WDR19: variants seen among roughly 807,000 people sequenced by gnomAD.
WDR19 encodes the protein WD repeat domain 19, also known as WD repeat-containing protein 19.
WDR19 carries 121 observed loss-of-function variants against 180.0 expected under a neutral mutation model. The observed-to-expected ratio is 0.67, with a 90% CI of 0.58 to 0.78. The LOEUF (loss-of-function observed/expected upper bound fraction) is 0.78, where lower values mean the gene tolerates loss of function less well. Ranked by LOEUF, WDR19 falls within the 30% of genes least tolerant of loss-of-function variation. The pLI is 0.00. For synonymous variants in WDR19, 497 were observed against 540.7 expected (o/e 0.92, Z 1.12); for missense variants, 1,450 against 1,640.7 (o/e 0.88, Z 2.01).
intron 5 of WDR19, chr4:39,194,893 C>A: frequency 2.2e-6 from 1 of 449,134 alleles, no homozygotes; most frequent in Non-Finnish European, 4.0e-6. Context: ...GTGCCTTTCG[C>A]ATCAGGACAT....
chr4:39,257,551 A>C lies in WDR19; in HGVS notation c.3180A>C (p.Glu1060Asp), dbSNP rs767135846. 8 of 1,583,110 alleles carry C rather than the reference A, an allele frequency of 5.1e-6. No homozygotes were observed. The South Asian group carries it at 6.9e-5, about 14-fold the overall frequency. ...ATGTGGCAATAGAAATGGCAATTGA[A>C]ACTGTAAGTACGCTTTCAATGAAAC... ...EDNVAIEMAI[E>D]TVGQAKDELL... Residue 1060 changes from glutamate to aspartate, a missense_variant, in exon 28 of 37, where the codon GAA (glutamate) becomes GAC (aspartate). Coordinates refer to ENST00000399820, the MANE Select transcript of WDR19 (RefSeq NM_025132.4).
chr4:39,232,340 T>C (rs944038520), intron 19 of WDR19, 68 bp downstream of exon 19: 35 of 1,298,370 alleles, frequency 2.7e-5, no homozygotes, highest in Non-Finnish European at 3.3e-5. Context: ...GAAAAAAAAA[T>C]GGGGCCGGGT....
At chr4:39,190,020 CA>C (rs1453958090) in intron 4 of WDR19, among the ~76,000 whole-genome samples, 1 of 152,116 alleles carries the variant, frequency 6.6e-6, no homozygotes, top group South Asian at 2.1e-4. Context: ...AGAGATGAGA[CA>C]AAATATATAT....
At chr4:39,228,158 GATA>G in intron 15 of WDR19, 49 bp from the exon 16 acceptor site, 4 of 1,593,704 alleles carry the variant, frequency 2.5e-6, no homozygotes, top group Non-Finnish European at 3.4e-6. Flanking sequence ...CACGGCAAAT[GATA>G]ATGATTCAAG....
chr4:39,273,123 G>A, intron 32 of WDR19, 62 bp downstream of exon 32: 1 of 1,345,694 alleles, frequency 7.4e-7, no homozygotes, highest in Non-Finnish European at 1.0e-6. Flanking sequence ...TGCTAGCCCA[G>A]CGCCCCTTTT....
intron 34 of WDR19, among the ~76,000 whole-genome samples, chr4:39,277,895 A>G (rs1736059058): frequency 6.6e-6 from 1 of 152,102 alleles, no homozygotes; most frequent in Non-Finnish European, 1.5e-5. Context: ...CTCTACTTAA[A>G]ACACAAAAAT....
intron 6 of WDR19, among the ~76,000 whole-genome samples, chr4:39,202,608 A>T (rs1285106214): frequency 1.3e-5 from 2 of 152,120 alleles, no homozygotes; most frequent in Admixed American, 1.3e-4. Context: ...CTACATCTGT[A>T]TGTACTTTTT....
chr4:39,275,441 T>C lies in WDR19; in HGVS notation c.3716+483T>C. Reference sequence around the variant, plus strand: ...TTAATCAAGTCAGTATTTATTTGACTCATACACAAGGCATCACAGTCCAGA... The same window carrying C: ...TTAATCAAGTCAGTATTTATTTGACCCATACACAAGGCATCACAGTCCAGA... On this transcript the variant is annotated intron_variant, in intron 33 of 36. Transcript: ENST00000399820. 1.4e-5 allele frequency: 3 copies of C among 217,278 alleles called. No individual in the cohort carries two copies. In the South Asian group the frequency reaches 2.3e-4, roughly 16 times the overall value. The allele number at this position is 217,278 out of a possible 1,614,324, so 13.5% of individuals were successfully genotyped here. A position where few individuals can be genotyped will look rare whatever the true frequency, so the allele number is the denominator to read the frequency against.
intron 28 of WDR19, 133 bp downstream of exon 28, chr4:39,257,687 A>C: frequency 1.3e-6 from 1 of 753,478 alleles, no homozygotes; most frequent in Non-Finnish European, 2.1e-6. Context: ...TAACTTCAAC[A>C]GCTGTCAATA....
At chr4:39,188,366 TAACTATGTTGTTACCTTAATC>T in intron 3 of WDR19, among the ~76,000 whole-genome samples, 1 of 152,242 alleles carries the variant, frequency 6.6e-6, no homozygotes, top group South Asian at 2.1e-4. Context: ...TTCCTGTTTA[TAACTATGTTGTTACCTTAATC>T]AAATTACTCT....
At chr4:39,240,390 T>A in intron 21 of WDR19, 56 bp downstream of exon 21, 1 of 1,127,372 alleles carries the variant, frequency 8.9e-7, no homozygotes, top group Non-Finnish European at 1.2e-6. Context: ...GTTTTCAGTT[T>A]CATTTTTAAA....
intron 5 of WDR19, among the ~76,000 whole-genome samples, chr4:39,196,356 C>T (rs182464440): frequency 6.6e-6 from 1 of 152,318 alleles, no homozygotes; most frequent in African/African-American, 2.4e-5. Context: ...GTCTAGTATA[C>T]ACTTCAAATT....
chr4:39,225,474 T>C (rs1230687718), intron 15 of WDR19, among the ~76,000 whole-genome samples: 3 of 152,206 alleles, frequency 2.0e-5, no homozygotes, highest in African/African-American at 7.2e-5. Flanking sequence ...TGAGTAAAAA[T>C]GGATGAACCC....
At chr4:39,227,530 A>G (rs1730400771) in intron 15 of WDR19, among the ~76,000 whole-genome samples, 1 of 152,222 alleles carries the variant, frequency 6.6e-6, no homozygotes, top group Non-Finnish European at 1.5e-5. Flanking sequence ...CCCATACAGT[A>G]TGACAACTAT....
chr4:39,241,746 G>GATCACACC (rs1006636940), intron 21 of WDR19, among the ~76,000 whole-genome samples: 19 of 148,148 alleles, frequency 1.3e-4, no homozygotes, highest in Admixed American at 3.4e-4. Context: ...AGTGAGCTGA[G>GATCACACC]ATCACACCGT....
intron 20 of WDR19, among the ~76,000 whole-genome samples, chr4:39,239,763 A>G (rs112557633): frequency 1.1e-4 from 16 of 152,348 alleles, no homozygotes; most frequent in African/African-American, 3.8e-4. Flanking sequence ...AATTACTTTT[A>G]AAATAGCAAC....
At chr4:39,247,896 A>G (rs1732705884) in intron 24 of WDR19, among the ~76,000 whole-genome samples, 2 of 152,236 alleles carry the variant, frequency 1.3e-5, no homozygotes, top group African/African-American at 4.8e-5. Context: ...CCTGAAAGTG[A>G]CGGGGAGAAT....
At chr4:39,198,852 T>G (rs1727064498) in intron 5 of WDR19, among the ~76,000 whole-genome samples, 1 of 151,572 alleles carries the variant, frequency 6.6e-6, no homozygotes, top group African/African-American at 2.4e-5. Flanking sequence ...ATATAAAAAT[T>G]AGTTGGGTGT....
chr4:39,268,124 A>G (rs747829295), intron 30 of WDR19, 33 bp downstream of exon 30: 44 of 1,523,788 alleles, frequency 2.9e-5, no homozygotes, highest in Non-Finnish European at 2.5e-5. Flanking sequence ...TTACTTCCCA[A>G]GCAGGCAGCA....
Sources: gnomAD v4.1 joint callset for allele counts (sites outside exome capture counted in the v4.1 genomes callset) on GRCh38, gnomAD v4.1.1 for gene constraint, MANE v1.5 for transcripts, NCBI Gene and HGNC (gene_info 2026-07-23, HGNC 2026-07-21) for gene names.